PTPRT: variants seen among roughly 807,000 people sequenced by gnomAD.
PTPRT encodes receptor-type tyrosine-protein phosphatase T.
PTPRT carries 56 observed loss-of-function variants against 176.8 expected under a neutral mutation model. The observed-to-expected ratio is 0.32, with a 90% confidence interval of 0.26 to 0.40. The LOEUF (loss-of-function observed/expected upper bound fraction) is 0.40. PTPRT is among the 10% of genes least tolerant of loss of function. PTPRT has a pLI of 1.00. For missense variants in PTPRT, 1,540 were observed against 1,908.2 expected, an observed-to-expected ratio of 0.81 and a Z score of 3.60; for synonymous variants, 783 against 739.0, an observed-to-expected ratio of 1.06 and a Z score of -0.96.
At chr20:42,904,679 A>G (rs936864022) in intron 1 of PTPRT, among the ~76,000 whole-genome samples, 6 of 152,030 alleles carry the variant, frequency 3.9e-5, no homozygotes, top group African/African-American at 1.4e-4. Context: ...TCATGCCCAA[A>G]TGTTGCACTT....
In PTPRT at chr20:42,549,809, A is replaced by G. The variant is rs371698260; in HGVS notation, c.1154-77247T>C. On this transcript the variant is annotated intron_variant, in intron 7 of 30. Coordinates refer to ENST00000373187, the MANE Select transcript of PTPRT (RefSeq NM_007050.6). Reference sequence around the variant, plus strand: ...CTGCCTTATTTCCCATTGATCAGACACACCTAGGGCATCTCAACACTACTG... The same window carrying G: ...CTGCCTTATTTCCCATTGATCAGACGCACCTAGGGCATCTCAACACTACTG... 1.5e-4 allele frequency among the ~76,000 whole-genome samples: 23 copies of G among 152,136 alleles called. No homozygotes were observed. In the East Asian group the frequency reaches 4.3e-3, roughly 28 times the overall value.
chr20:42,948,070 C>T (rs117434100), intron 1 of PTPRT, among the ~76,000 whole-genome samples: 90 of 152,322 alleles, frequency 5.9e-4, no homozygotes, highest in Non-Finnish European at 9.1e-4. Flanking sequence ...TCTCCCTCTT[C>T]GTATCCTTCC....
chr20:42,345,134 C>T (rs1177835826), intron 11 of PTPRT, among the ~76,000 whole-genome samples: 1 of 151,958 alleles, frequency 6.6e-6, no homozygotes, highest in Non-Finnish European at 1.5e-5. Context: ...AGACCTTTAC[C>T]ATCCAAAATG....
chr20:42,378,203 C>T (rs1191115985), intron 9 of PTPRT, among the ~76,000 whole-genome samples: 1 of 152,224 alleles, frequency 6.6e-6, no homozygotes, highest in East Asian at 1.9e-4. Flanking sequence ...GATGGTCTTG[C>T]TCAGCATTGC....
chr20:42,857,575 A>G (rs1294086576), intron 2 of PTPRT, among the ~76,000 whole-genome samples: 1 of 152,106 alleles, frequency 6.6e-6, no homozygotes, highest in Non-Finnish European at 1.5e-5. Flanking sequence ...CCCTCAGCTC[A>G]TAACTGTTTT....
chr20:42,836,709 G>A (rs1276286411), intron 2 of PTPRT, among the ~76,000 whole-genome samples: 2 of 152,158 alleles, frequency 1.3e-5, no homozygotes, highest in South Asian at 2.1e-4. Flanking sequence ...GCTGAGACAC[G>A]TTTTGGCAGA....
chr20:42,471,798 G>T (rs1418806236), intron 8 of PTPRT, among the ~76,000 whole-genome samples: 1 of 152,008 alleles, frequency 6.6e-6, no homozygotes, highest in Non-Finnish European at 1.5e-5. Flanking sequence ...TGGGACTACA[G>T]GCACACGCTG....
At chr20:42,598,007 A>T (rs376229587) in intron 7 of PTPRT, among the ~76,000 whole-genome samples, 13 of 152,172 alleles carry the variant, frequency 8.5e-5, no homozygotes, top group African/African-American at 3.1e-4. Context: ...ATATATGCCC[A>T]CAGAAGCCTT....
intron 18 of PTPRT, among the ~76,000 whole-genome samples, chr20:42,130,556 A>G (rs1005477784): frequency 6.6e-6 from 1 of 152,226 alleles, no homozygotes; most frequent in Non-Finnish European, 1.5e-5. Flanking sequence ...GTTACCTGCA[A>G]TGCACACTAG....
At chr20:43,083,350 A>ATATATATACATG (rs2011509149) in intron 1 of PTPRT, among the ~76,000 whole-genome samples, 1 of 127,156 alleles carries the variant, frequency 7.9e-6, no homozygotes, top group Non-Finnish European at 1.7e-5. Flanking sequence ...ATATATATAT[A>ATATATATACATG]TATATATATA....
In PTPRT at chr20:42,583,468, G is replaced by C. The variant is rs75872361; in HGVS notation, c.1153+94398C>G. ...ACTACGGACAGAGGATGATGACAGA[G>C]GGCCCATGACATTGGGCCTTGTCAT... On this transcript the variant is annotated intron_variant, in intron 7 of 30. Transcript: ENST00000373187. Among the ~76,000 whole-genome samples the C allele has an allele frequency of 6.7e-3, 1,016 of 152,298 alleles. 32 individuals are homozygous for C. In the East Asian group the frequency reaches 0.094, roughly 14 times the overall value.
intron 7 of PTPRT, among the ~76,000 whole-genome samples, chr20:42,630,243 A>G (rs2074377989): frequency 6.6e-6 from 1 of 152,140 alleles, no homozygotes; most frequent in Non-Finnish European, 1.5e-5. Flanking sequence ...AAGTCAGCCG[A>G]CAGATTCTGT....
At chr20:42,392,446 C>A (rs556617729) in intron 9 of PTPRT, among the ~76,000 whole-genome samples, 190 of 151,860 alleles carry the variant, frequency 1.3e-3, no homozygotes, top group Non-Finnish European at 2.0e-3. Flanking sequence ...AAAAAAAAAT[C>A]CATTTCATTT....
chr20:42,765,300 A>G (rs1442682951), intron 5 of PTPRT, among the ~76,000 whole-genome samples: 1 of 152,182 alleles, frequency 6.6e-6, no homozygotes, highest in East Asian at 1.9e-4. Flanking sequence ...AATTCAAGGA[A>G]AGAGCCCCAT....
intron 1 of PTPRT, among the ~76,000 whole-genome samples, chr20:43,087,730 A>G (rs1479416502): frequency 2.0e-5 from 3 of 152,012 alleles, no homozygotes; most frequent in Non-Finnish European, 4.4e-5. Flanking sequence ...GGAGGGACGA[A>G]TCTTCATCTT....
intron 1 of PTPRT, among the ~76,000 whole-genome samples, chr20:43,096,684 G>C (rs956201476): frequency 6.6e-6 from 1 of 152,210 alleles, no homozygotes; most frequent in South Asian, 2.1e-4. Context: ...CACTGAGAAG[G>C]CCAGACAATC....
intron 1 of PTPRT, among the ~76,000 whole-genome samples, chr20:43,116,075 C>T (rs1189226299): frequency 6.6e-6 from 1 of 152,194 alleles, no homozygotes; most frequent in Non-Finnish European, 1.5e-5. Context: ...ACTGAACTCA[C>T]AACCTTGGCC....
At chr20:42,250,176 G>C (rs2056526642) in intron 13 of PTPRT, among the ~76,000 whole-genome samples, 1 of 152,254 alleles carries the variant, frequency 6.6e-6, no homozygotes, top group Admixed American at 6.5e-5. Flanking sequence ...TTTCACATCT[G>C]TCTCCTCCAG....
chr20:42,883,792 TAC>T (rs1347322256), intron 2 of PTPRT, among the ~76,000 whole-genome samples: 1 of 72,744 alleles, frequency 1.4e-5, no homozygotes, highest in Non-Finnish European at 2.6e-5. Context: ...CGCACACCCA[TAC>T]ACACACAACC....
Sources: gnomAD v4.1 joint callset for allele counts (sites outside exome capture counted in the v4.1 genomes callset) on GRCh38, gnomAD v4.1.1 for gene constraint, MANE v1.5 for transcripts, NCBI Gene and HGNC (gene_info 2026-07-23, HGNC 2026-07-21) for gene names.